The following BORCS5 variants were observed in gnomAD, a reference collection of about 807,000 sequenced individuals.
The protein encoded by BORCS5 is BLOC-1-related complex subunit 5.
In BORCS5, 17 loss-of-function variants were observed where a neutral mutation model predicts 22.1. The ratio of observed to expected loss-of-function variants is 0.77; its 90% CI spans 0.53 to 1.15. The LOEUF is 1.15. BORCS5 is among the 50% of genes most tolerant of loss of function. The pLI is 0.00. For missense variants in BORCS5, 247 were observed against 253.2 expected (o/e 0.98, Z 0.17); for synonymous variants, 117 against 99.8 (o/e 1.17, Z -1.03).
intron 2 of BORCS5, among the ~76,000 whole-genome samples, chr12:12,401,532 T>C (rs1044077401): frequency 6.6e-6 from 1 of 152,070 alleles, no homozygotes; most frequent in Non-Finnish European, 1.5e-5. Context: ...TTTTTTCTGA[T>C]CACGAAATGA....
At chr12:12,414,773 G>C (rs1460155869) in intron 2 of BORCS5, among the ~76,000 whole-genome samples, 3 of 138,980 alleles carry the variant, frequency 2.2e-5, no homozygotes, top group Non-Finnish European at 3.2e-5. Flanking sequence ...GCCGGACGGA[G>C]GGGCTCCTCA....
intron 1 of BORCS5, among the ~76,000 whole-genome samples, chr12:12,360,440 C>A (rs1863254856): frequency 6.6e-6 from 1 of 152,002 alleles, no homozygotes. Flanking sequence ...TGCTGTCTTA[C>A]CCATGCAGTG....
chr12:12,384,346 G>A (rs1057317974), intron 2 of BORCS5, among the ~76,000 whole-genome samples: 2 of 149,490 alleles, frequency 1.3e-5, no homozygotes, highest in Non-Finnish European at 3.0e-5. Flanking sequence ...TAGATTCATT[G>A]TTATATTTTT....
At chr12:12,387,116 C>T (rs1863900586) in intron 2 of BORCS5, among the ~76,000 whole-genome samples, 1 of 151,420 alleles carries the variant, frequency 6.6e-6, no homozygotes, top group Admixed American at 6.6e-5. Flanking sequence ...CATCCTCTTG[C>T]CTCAGCCCCC....
intron 3 of BORCS5, among the ~76,000 whole-genome samples, chr12:12,438,385 A>AAAAAAAAAAAAAC (rs1555156048): frequency 1.6e-5 from 2 of 126,148 alleles, no homozygotes; most frequent in African/African-American, 6.5e-5. Context: ...AAAAAACGAA[A>AAAAAAAAAAAAAC]AACAACAACA....
intron 1 of BORCS5, 66 bp from the exon 2 acceptor site, chr12:12,361,140 A>G: frequency 1.3e-6 from 2 of 1,529,910 alleles, no homozygotes; most frequent in Non-Finnish European, 1.8e-6. Flanking sequence ...CACTACACCA[A>G]AAACTGCTTT....
intron 3 of BORCS5, among the ~76,000 whole-genome samples, chr12:12,445,641 T>C (rs1172798673): frequency 2.7e-5 from 4 of 150,562 alleles, no homozygotes; most frequent in African/African-American, 9.8e-5. Flanking sequence ...TTTTTTAATT[T>C]AATTTTTTTA....
chr12:12,416,870 C>T (rs951363092), intron 2 of BORCS5, among the ~76,000 whole-genome samples: 2 of 151,094 alleles, frequency 1.3e-5, no homozygotes, highest in African/African-American at 4.9e-5. Flanking sequence ...CAGCCTCTGC[C>T]TCTCGGGTTC....
At chr12:12,461,552 A>T (rs1467170906) in intron 3 of BORCS5, among the ~76,000 whole-genome samples, 1 of 152,132 alleles carries the variant, frequency 6.6e-6, no homozygotes, top group African/African-American at 2.4e-5. Context: ...ACAAAATGAA[A>T]GTTTATTCAT....
chr12:12,426,405 A>AT (rs974514856), intron 2 of BORCS5, among the ~76,000 whole-genome samples: 7 of 152,200 alleles, frequency 4.6e-5, no homozygotes, highest in Admixed American at 3.3e-4. Context: ...TGAAATGCTA[A>AT]TTTTATAGCA....
At chr12:12,368,220 A>G (rs1863444429) in intron 2 of BORCS5, among the ~76,000 whole-genome samples, 1 of 149,180 alleles carries the variant, frequency 6.7e-6, no homozygotes, top group African/African-American at 2.5e-5. Flanking sequence ...TTTCTATCCC[A>G]CTTGTTAAAA....
At chr12:12,429,912 CG>C (rs1425757334) in intron 2 of BORCS5, among the ~76,000 whole-genome samples, 1 of 152,122 alleles carries the variant, frequency 6.6e-6, no homozygotes, top group Admixed American at 6.5e-5. Flanking sequence ...GACAAGGACT[CG>C]CTCTTAGGCA....
intron 2 of BORCS5, among the ~76,000 whole-genome samples, chr12:12,433,838 G>A (rs544857823): frequency 8.5e-5 from 13 of 152,154 alleles, no homozygotes; most frequent in Admixed American, 6.5e-4. Flanking sequence ...TGAGAGCATC[G>A]ACCAGCATTT....
chr12:12,381,998 C>A (rs1282593125), intron 2 of BORCS5, among the ~76,000 whole-genome samples: 1 of 151,374 alleles, frequency 6.6e-6, no homozygotes, highest in Non-Finnish European at 1.5e-5. Flanking sequence ...CATGATGTAA[C>A]AACTTTCATC....
chr12:12,366,885 TACTG>T (rs1863417934), intron 2 of BORCS5, among the ~76,000 whole-genome samples: 1 of 152,240 alleles, frequency 6.6e-6, no homozygotes, highest in Non-Finnish European at 1.5e-5. Context: ...TCATTTTTGT[TACTG>T]ACCTTGGATA....
chr12:12,401,587 A>G (rs1456028484), intron 2 of BORCS5, among the ~76,000 whole-genome samples: 1 of 152,226 alleles, frequency 6.6e-6, no homozygotes, highest in East Asian at 1.9e-4. Flanking sequence ...ATGACAAAAA[A>G]GAAAATTAAA....
chr12:12,361,144 C>T (rs1863274723), intron 1 of BORCS5, 62 bp from the exon 2 acceptor site: 2 of 1,529,610 alleles, frequency 1.3e-6, no homozygotes, highest in African/African-American at 2.7e-5. Flanking sequence ...ACACCAAAAA[C>T]TGCTTTGGTG....
intron 2 of BORCS5, among the ~76,000 whole-genome samples, chr12:12,366,570 A>T (rs79855176): frequency 1.4e-4 from 21 of 152,242 alleles, no homozygotes; most frequent in African/African-American, 4.6e-4. Context: ...AGAAAATTAG[A>T]AAGTAGCTAC....
intron 2 of BORCS5, among the ~76,000 whole-genome samples, chr12:12,373,213 G>C (rs898333756): frequency 1.3e-5 from 2 of 152,178 alleles, no homozygotes; most frequent in Non-Finnish European, 2.9e-5. Context: ...TTGCAAACCA[G>C]GAAGAGTGCC....
Sources: allele counts gnomAD v4.1 joint callset (sites outside exome capture counted in the v4.1 genomes callset), GRCh38; gene constraint gnomAD v4.1.1; transcripts MANE v1.5; gene names NCBI Gene and HGNC (gene_info 2026-07-23, HGNC 2026-07-21).